Variants in APPL1 observed in about 807,000 individuals in gnomAD.
APPL1 encodes the protein DCC-interacting protein 13-alpha.
In APPL1, 42 loss-of-function variants were observed where a neutral mutation model predicts 106.8. That is an observed-to-expected ratio of 0.39 (90% CI 0.31 to 0.51). APPL1 has a LOEUF of 0.51. Among genes scored for constraint, APPL1 ranks in the 20% least tolerant of loss-of-function variants. The pLI is 0.75. For synonymous variants in APPL1, 263 were observed against 281.8 expected, an observed-to-expected ratio of 0.93 and a Z score of 0.67; for missense variants, 769 against 858.2, an observed-to-expected ratio of 0.90 and a Z score of 1.30.
At chr3:57,255,903 C>CT (rs1345174248) in intron 13 of APPL1, among the ~76,000 whole-genome samples, 1 of 152,080 alleles carries the variant, frequency 6.6e-6, no homozygotes, top group East Asian at 1.9e-4. Context: ...TATCAGAACT[C>CT]TAATTTTTAG....
chr3:57,273,378 G>T lies in APPL1; in HGVS notation c.*3691G>T, dbSNP rs1252651469. ...TTATTTTTTCATTTTGTCACAATAG[G>T]TATATACTGACAAGGCTTCAGGAAA... On this transcript the variant is annotated 3_prime_UTR_variant, in exon 22 of 22. Transcript: ENST00000288266. 6.6e-6 allele frequency: 1 copy of T among 152,492 alleles called. No individual in the cohort carries two copies. The highest frequency in any genetic ancestry group is 1.5e-5 in the Non-Finnish European group (1 of 67,994). The allele number at this position is 152,492 out of a possible 1,614,324, so 9.4% of individuals were successfully genotyped here.
rs76173303 is a variant in APPL1 at position 57,257,080 on chromosome 3, A to G, written c.1247+29A>G. The G allele has an allele frequency of 1.6e-3, 2,571 of 1,604,934 alleles. 50 individuals are homozygous for G. In the East Asian group the frequency reaches 0.045, roughly 28 times the overall value. ...AGTTACCACACTGAGTTATTTAAAG[A>G]AGGAGATGGGCTATTTAAAGTATCT... On this transcript the variant is annotated intron_variant, in intron 14 of 21. Coordinates refer to ENST00000288266, the MANE Select transcript of APPL1 (RefSeq NM_012096.3).
rs374562377 is a variant in APPL1 at position 57,259,086 on chromosome 3, A to T, written c.1483+6A>T. The T allele has an allele frequency of 2.5e-6, 4 of 1,608,848 alleles. No individual in the cohort carries two copies. The African/African-American group carries it at 5.3e-5, about 22-fold the overall frequency. ...TACAAAATCTGAAACTGAAGGTAAG[A>T]CAGATGTGCAGCATTCATATATTTT... On this transcript the variant is annotated splice_donor_region_variant and intron_variant, in intron 16 of 21. Transcript: ENST00000288266.
Position 57,269,863 on chromosome 3 carries a change from C to A in APPL1, c.*176C>A. The A allele has an allele frequency of 1.5e-6, 1 of 688,024 alleles. No individual in the cohort carries two copies. 42.6% of individuals were successfully genotyped at this position (688,024 alleles called of 1,614,324 possible). ...CTTGATGACTTAGGTTTGCATTGAT[C>A]TTTTTTCCCCCTTAAACATAATGTA... On this transcript the variant is annotated 3_prime_UTR_variant, in exon 22 of 22. Transcript: ENST00000288266.
intron 20 of APPL1, 102 bp from the exon 21 acceptor site, chr3:57,268,296 G>A (rs2060908448): frequency 8.2e-7 from 1 of 1,213,286 alleles, no homozygotes; most frequent in Non-Finnish European, 1.1e-6. Context: ...ATGTATAAAT[G>A]CAAAAAAATA....
intron 2 of APPL1, among the ~76,000 whole-genome samples, chr3:57,236,490 A>G (rs9835384): frequency 0.48 from 72,250 of 149,456 alleles, 17,942 homozygotes; most frequent in East Asian, 0.92. Context: ...TACTACGCCC[A>G]GATAATTTTG....
At chr3:57,260,402 G>T in intron 18 of APPL1, 1 of 546,526 alleles carries the variant, frequency 1.8e-6, no homozygotes, top group Non-Finnish European at 3.0e-6. Flanking sequence ...TTTGTAAAAT[G>T]TGTTAATGAC....
intron 13 of APPL1, among the ~76,000 whole-genome samples, chr3:57,254,633 T>C (rs2060825158): frequency 6.6e-6 from 1 of 152,048 alleles, no homozygotes; most frequent in African/African-American, 2.4e-5. Flanking sequence ...AATTAAAGAT[T>C]CTTTTTTTTG....
chr3:57,258,993 G>T lies in APPL1; in HGVS notation c.1431-35G>T. 3 of 1,513,060 alleles carry T rather than the reference G, an allele frequency of 2.0e-6. No individual in the cohort carries two copies. The South Asian group carries it at 3.4e-5, about 17-fold the overall frequency. 93.7% of individuals were successfully genotyped at this position (1,513,060 alleles called of 1,614,324 possible). Reference sequence around the variant, plus strand: ...TTCTTCTATGTGGCTCATGGTAACTGACCATGTGTTCATATTTTCTTCTAA... The same window carrying T: ...TTCTTCTATGTGGCTCATGGTAACTTACCATGTGTTCATATTTTCTTCTAA... On this transcript the variant is annotated intron_variant, in intron 15 of 21. Coordinates refer to ENST00000288266, the MANE Select transcript of APPL1 (RefSeq NM_012096.3).
intron 3 of APPL1, 24 bp from the exon 4 acceptor site, chr3:57,238,021 C>T: frequency 6.4e-7 from 1 of 1,573,184 alleles, no homozygotes; most frequent in East Asian, 2.2e-5. Flanking sequence ...TGAAACTTTA[C>T]CTCATCTGTT....
chr3:57,257,494 T>A (rs1360919061), intron 15 of APPL1, 66 bp downstream of exon 15: 9 of 1,313,206 alleles, frequency 6.9e-6, no homozygotes, highest in Non-Finnish European at 9.3e-6. Flanking sequence ...CTGTCTGCAT[T>A]TCAGAGTCAT....
chr3:57,248,838 C>T (rs1183296298), intron 10 of APPL1, among the ~76,000 whole-genome samples: 1 of 151,954 alleles, frequency 6.6e-6, no homozygotes, highest in Non-Finnish European at 1.5e-5. Context: ...CCACTGCACT[C>T]CAGCCTGAGG....
At chr3:57,237,187 C>T (rs1226095614) in intron 2 of APPL1, among the ~76,000 whole-genome samples, 1 of 152,150 alleles carries the variant, frequency 6.6e-6, no homozygotes, top group Non-Finnish European at 1.5e-5. Context: ...AACGTAGATG[C>T]TCTAAAGATT....
Position 57,253,719 on chromosome 3 carries a change from A to T in APPL1, c.1133A>T (p.Tyr378Phe). ...ATAAACAACATATCTAAACAAATAT[A>T]CTTAAGTGAAAATCCAGAGGTAATA... ...CTINNISKQI[Y>F]LSENPEETAA... The change falls in exon 13 of 22, where the codon TAC becomes TTC. Residue 378 changes from tyrosine (Y) to phenylalanine (F), a missense_variant. Transcript: ENST00000288266. The T allele has an allele frequency of 6.9e-7, 1 of 1,443,992 alleles. No homozygotes were observed. Among genetic ancestry groups the T allele is most frequent in the Non-Finnish European group, 9.2e-7 (1 of 1,089,250 alleles). The allele number at this position is 1,443,992 out of a possible 1,614,324, so 89.4% of individuals were successfully genotyped here.
chr3:57,249,408 G>T lies in APPL1; in HGVS notation c.912G>T (p.Thr304=). 6.2e-7 allele frequency: 1 copy of T among 1,614,096 alleles called. No homozygotes were observed. The highest frequency in any genetic ancestry group is 8.5e-7 in the Non-Finnish European group (1 of 1,180,028). The change falls in exon 11 of 22, where the codon ACG becomes ACT. Residue 304 remains threonine (T), a synonymous_variant. Transcript: ENST00000288266. ...CCTGGGACAGACAGTTTTACTTCAC[G>T]CAGGGTGGAAATTTAATGAGTCAGG... The part of the protein sequence containing the change: ...SSTWDRQFYF[T]QGGNLMSQAR...
rs1228445307 is a variant in APPL1 at position 57,273,163 on chromosome 3, G to A, written c.*3476G>A. 2 of 152,610 alleles carry A rather than the reference G, an allele frequency of 1.3e-5. No individual in the cohort carries two copies. The highest frequency in any genetic ancestry group is 2.9e-5 in the Non-Finnish European group (2 of 68,020). 9.5% of individuals were successfully genotyped at this position (152,610 alleles called of 1,614,324 possible). A position where few individuals can be genotyped will look rare whatever the true frequency, so the allele number is the denominator to read the frequency against. On this transcript the variant is annotated 3_prime_UTR_variant, in exon 22 of 22. Transcript: ENST00000288266. ...TTAATATGAGACTGGGGGTTAAGTT[G>A]TAACTAATATGCAAAATTGCTTTGT...
intron 2 of APPL1, among the ~76,000 whole-genome samples, chr3:57,236,459 G>A (rs2060717315): frequency 6.6e-6 from 1 of 151,462 alleles, no homozygotes; most frequent in African/African-American, 2.4e-5. Flanking sequence ...CTCCTGAGTA[G>A]CTGGAACTAC....
chr3:57,248,795 G>A (rs924627479), intron 10 of APPL1, among the ~76,000 whole-genome samples: 1 of 151,814 alleles, frequency 6.6e-6, no homozygotes, highest in African/African-American at 2.4e-5. Context: ...ACTTGAACAT[G>A]GGAGGCAGAG....
chr3:57,251,794 C>A (rs2060806214), intron 11 of APPL1, among the ~76,000 whole-genome samples: 1 of 151,994 alleles, frequency 6.6e-6, no homozygotes, highest in African/African-American at 2.4e-5. Context: ...TTATTATTTT[C>A]TCAAACTCTA....
Sources: allele counts gnomAD v4.1 joint callset (sites outside exome capture counted in the v4.1 genomes callset), GRCh38; gene constraint gnomAD v4.1.1; transcripts MANE v1.5; gene names NCBI Gene and HGNC (gene_info 2026-07-23, HGNC 2026-07-21).